The following RGS7 variants were observed in gnomAD, a reference collection of about 807,000 sequenced individuals.
RGS7 encodes regulator of G-protein signaling 7.
Under a neutral mutation model 81.1 loss-of-function variants are expected in RGS7, and 27 were observed. That is an observed-to-expected ratio of 0.33 (90% confidence interval 0.25 to 0.46). The LOEUF (loss-of-function observed/expected upper bound fraction) is 0.46. Among genes scored for constraint, RGS7 ranks in the 20% least tolerant of loss-of-function variants. RGS7 has a pLI of 1.00. For missense variants in RGS7, 396 were observed against 607.4 expected (o/e 0.65, Z 3.66); for synonymous variants, 208 against 207.7 (o/e 1.00, Z -0.01).
intron 3 of RGS7, among the ~76,000 whole-genome samples, chr1:241,095,277 C>A (rs968541419): frequency 6.6e-6 from 1 of 152,030 alleles, no homozygotes; most frequent in African/African-American, 2.4e-5. Context: ...GGGGTGGGTC[C>A]AGATACTATA....
intron 18 of RGS7, among the ~76,000 whole-genome samples, chr1:240,784,638 T>A (rs1270717156): frequency 9.5e-5 from 14 of 146,748 alleles, no homozygotes; most frequent in African/African-American, 3.3e-4. Context: ...AGAATAAGAC[T>A]CCGCCTCAAA....
At chr1:241,041,120 T>C (rs1468542151) in intron 3 of RGS7, among the ~76,000 whole-genome samples, 1 of 152,234 alleles carries the variant, frequency 6.6e-6, no homozygotes, top group Non-Finnish European at 1.5e-5. Context: ...TTCTGATTAT[T>C]ACCTTTTGAA....
At chr1:241,161,421 A>G (rs2069649029) in intron 2 of RGS7, among the ~76,000 whole-genome samples, 1 of 150,940 alleles carries the variant, frequency 6.6e-6, no homozygotes, top group African/African-American at 2.4e-5. Context: ...AACTAATAAC[A>G]CATTAATAAT....
At chr1:241,313,181 G>A (rs1425821640) in intron 2 of RGS7, among the ~76,000 whole-genome samples, 1 of 152,250 alleles carries the variant, frequency 6.6e-6, no homozygotes, top group East Asian at 1.9e-4. Flanking sequence ...AGCAAATGCT[G>A]ATGAAGAAGC....
At chr1:241,265,338 A>T (rs933397918) in intron 2 of RGS7, among the ~76,000 whole-genome samples, 1 of 152,254 alleles carries the variant, frequency 6.6e-6, no homozygotes, top group Non-Finnish European at 1.5e-5. Context: ...AAACTTGTTC[A>T]TGGGTCAACT....
At chr1:241,258,341 T>C (rs1011281523) in intron 2 of RGS7, among the ~76,000 whole-genome samples, 2 of 152,154 alleles carry the variant, frequency 1.3e-5, no homozygotes, top group African/African-American at 4.8e-5. Flanking sequence ...CATTCTAGAC[T>C]AAAGGTCTTA....
At chr1:240,805,311 G>A (rs1688668580) in intron 15 of RGS7, among the ~76,000 whole-genome samples, 2 of 152,184 alleles carry the variant, frequency 1.3e-5, no homozygotes, top group South Asian at 4.1e-4. Context: ...TTAAGCCTGG[G>A]AGGCCAAGGC....
chr1:240,982,600 C>T lies in RGS7; in HGVS notation c.226+479G>A, dbSNP rs542853076. 1.3e-4 allele frequency among the ~76,000 whole-genome samples: 19 copies of T among 151,892 alleles called. No individual in the cohort carries two copies. The South Asian group carries it at 3.9e-3, about 32-fold the overall frequency. The stretch of plus-strand genomic sequence containing the variant: ...GAACAGGTTTATGACTTAAATAGAG[C>T]GTTTCTCTCTCTCTCACACACACAC... On this transcript the variant is annotated intron_variant, in intron 4 of 18. Coordinates refer to ENST00000440928, the MANE Select transcript of RGS7 (RefSeq NM_001364886.1).
At chr1:241,026,314 G>A (rs1214513493) in intron 3 of RGS7, among the ~76,000 whole-genome samples, 3 of 152,170 alleles carry the variant, frequency 2.0e-5, no homozygotes, top group Admixed American at 1.3e-4. Flanking sequence ...ATTGCCGGGT[G>A]CGGTGACTCC....
At chr1:240,992,252 C>A (rs1686561230) in intron 3 of RGS7, among the ~76,000 whole-genome samples, 1 of 152,138 alleles carries the variant, frequency 6.6e-6, no homozygotes, top group South Asian at 2.1e-4. Flanking sequence ...GCCTGTAATC[C>A]CAGCACTTTG....
chr1:241,131,591 C>T (rs58723016), intron 2 of RGS7, among the ~76,000 whole-genome samples: 7,300 of 148,480 alleles, frequency 0.049, 519 homozygotes, highest in African/African-American at 0.17. Context: ...TGTCTGGGAG[C>T]TGGGGGCAAA....
At chr1:240,784,611 G>A (rs6667314) in intron 18 of RGS7, among the ~76,000 whole-genome samples, 25,696 of 150,662 alleles carry the variant, frequency 0.17, 2,848 homozygotes, top group African/African-American at 0.32. Context: ...GCTCCACTGC[G>A]CTCCAGCCTG....
chr1:241,018,860 C>T (rs2059403734), intron 3 of RGS7, among the ~76,000 whole-genome samples: 2 of 151,954 alleles, frequency 1.3e-5, no homozygotes. Flanking sequence ...TTTCCTTTTT[C>T]TTTAGGTGAG....
chr1:241,048,082 T>C (rs758274077), intron 3 of RGS7, among the ~76,000 whole-genome samples: 5 of 152,028 alleles, frequency 3.3e-5, no homozygotes, highest in African/African-American at 1.2e-4. Context: ...TAGATGTGTA[T>C]GTATGTATGG....
chr1:240,999,849 C>T (rs1440341878), intron 3 of RGS7, among the ~76,000 whole-genome samples: 2 of 152,176 alleles, frequency 1.3e-5, no homozygotes, highest in African/African-American at 2.4e-5. Context: ...ACAATCCACC[C>T]ACCTCGGCCT....
chr1:240,820,854 A>G (rs1196613414), intron 10 of RGS7, among the ~76,000 whole-genome samples: 1 of 152,234 alleles, frequency 6.6e-6, no homozygotes, highest in Non-Finnish European at 1.5e-5. Context: ...CCAAGAACTA[A>G]GTCAGAGACA....
intron 2 of RGS7, among the ~76,000 whole-genome samples, chr1:241,251,351 G>A (rs765051897): frequency 4.3e-4 from 66 of 152,214 alleles, no homozygotes; most frequent in Non-Finnish European, 7.1e-4. Context: ...CTCCCAAAAT[G>A]TCTTACTATT....
At chr1:240,977,728 G>T (rs989201435) in intron 4 of RGS7, among the ~76,000 whole-genome samples, 12 of 152,184 alleles carry the variant, frequency 7.9e-5, no homozygotes, top group African/African-American at 2.9e-4. Context: ...AGTGGAAACA[G>T]CAGAATATAT....
intron 3 of RGS7, among the ~76,000 whole-genome samples, chr1:241,051,763 C>T (rs1453740911): frequency 6.6e-6 from 1 of 152,186 alleles, no homozygotes; most frequent in African/African-American, 2.4e-5. Context: ...GGCTAACTTG[C>T]ATTGAGTGTT....
Sources: gnomAD v4.1 joint callset for allele counts (sites outside exome capture counted in the v4.1 genomes callset) on GRCh38, gnomAD v4.1.1 for gene constraint, MANE v1.5 for transcripts, NCBI Gene and HGNC (gene_info 2026-07-23, HGNC 2026-07-21) for gene names.